Variants in SLCO3A1 observed in about 807,000 individuals in gnomAD.
The protein encoded by SLCO3A1 is PGE1 transporter.
In SLCO3A1, 27 loss-of-function variants were observed where a neutral mutation model predicts 63.1. The ratio of observed to expected loss-of-function variants is 0.43; its 90% CI spans 0.32 to 0.59. The LOEUF is 0.59. Among genes scored for constraint, SLCO3A1 ranks in the 20% least tolerant of loss-of-function variants. The pLI, the probability that SLCO3A1 is intolerant of heterozygous loss-of-function variation, is 0.09. For missense variants in SLCO3A1, 773 were observed against 945.8 expected (o/e 0.82, Z 2.40); for synonymous variants, 473 against 409.9 (o/e 1.15, Z -1.86).
chr15:92,128,299 G>A, intron 6 of SLCO3A1, 52 bp from the exon 7 acceptor site: 1 of 1,611,378 alleles, frequency 6.2e-7, no homozygotes, highest in Non-Finnish European at 8.5e-7. Flanking sequence ...GGGGGCATCT[G>A]ATTCCGAATT....
At chr15:91,971,361 C>A (rs1183538596) in intron 2 of SLCO3A1, among the ~76,000 whole-genome samples, 5 of 96,452 alleles carry the variant, frequency 5.2e-5, no homozygotes, top group African/African-American at 1.8e-4. Flanking sequence ...TGCCACTGCA[C>A]TCCAGCCTGG....
chr15:91,965,435 C>T (rs1900622412), intron 2 of SLCO3A1, among the ~76,000 whole-genome samples: 2 of 152,196 alleles, frequency 1.3e-5, no homozygotes, highest in Admixed American at 1.3e-4. Flanking sequence ...TAAATATCCT[C>T]CATTGTGAGG....
intron 1 of SLCO3A1, among the ~76,000 whole-genome samples, chr15:91,896,545 G>A (rs7183075): frequency 6.6e-6 from 1 of 151,928 alleles, no homozygotes; most frequent in African/African-American, 2.4e-5. Flanking sequence ...TGCTGTTCTC[G>A]TGATAGTGAA....
At chr15:92,114,388 G>T (rs917514266) in intron 4 of SLCO3A1, among the ~76,000 whole-genome samples, 1 of 152,042 alleles carries the variant, frequency 6.6e-6, no homozygotes, top group Non-Finnish European at 1.5e-5. Context: ...CTTACGGGGC[G>T]TGGTGCTCAC....
chr15:92,106,202 C>T (rs2047665728), intron 4 of SLCO3A1, among the ~76,000 whole-genome samples: 3 of 152,174 alleles, frequency 2.0e-5, no homozygotes, highest in African/African-American at 7.2e-5. Flanking sequence ...ATGTCTGGCC[C>T]CATGTTCCAT....
intron 2 of SLCO3A1, among the ~76,000 whole-genome samples, chr15:92,009,050 A>G (rs949001990): frequency 2.6e-5 from 4 of 152,196 alleles, no homozygotes; most frequent in Admixed American, 6.5e-5. Context: ...TTTAATTGAA[A>G]TGACATTTGT....
chr15:91,927,296 C>CT (rs951071362), intron 2 of SLCO3A1, among the ~76,000 whole-genome samples: 3,533 of 145,342 alleles, frequency 0.024, 131 homozygotes, highest in African/African-American at 0.084. Context: ...AAAATCAAAA[C>CT]TTTTTTTTTT....
intron 2 of SLCO3A1, among the ~76,000 whole-genome samples, chr15:91,944,843 C>CT (rs976790472): frequency 2.0e-5 from 3 of 152,118 alleles, no homozygotes; most frequent in Non-Finnish European, 2.9e-5. Flanking sequence ...CTCTCCCCCT[C>CT]TTTTTTTGGG....
At chr15:92,013,329 A>G (rs1282750353) in intron 2 of SLCO3A1, among the ~76,000 whole-genome samples, 1 of 152,194 alleles carries the variant, frequency 6.6e-6, no homozygotes, top group Non-Finnish European at 1.5e-5. Flanking sequence ...GCTTGGTTTG[A>G]GTCACACAGG....
At chr15:91,970,785 G>A (rs895915058) in intron 2 of SLCO3A1, among the ~76,000 whole-genome samples, 1 of 152,130 alleles carries the variant, frequency 6.6e-6, no homozygotes, top group South Asian at 2.1e-4. Context: ...ACAGGCGGCA[G>A]TCTTCTCAGG....
At chr15:92,159,612 C>T (rs1238094935) in intron 9 of SLCO3A1, among the ~76,000 whole-genome samples, 1 of 144,402 alleles carries the variant, frequency 6.9e-6, no homozygotes, top group Non-Finnish European at 1.5e-5. Flanking sequence ...TGTCTCCTAG[C>T]CTGGAATGCA....
chr15:91,864,631 T>C (rs1040923630), intron 1 of SLCO3A1, among the ~76,000 whole-genome samples: 9 of 152,124 alleles, frequency 5.9e-5, no homozygotes, highest in Non-Finnish European at 8.8e-5. Context: ...GGGGAATACT[T>C]TTGTATTTAA....
In SLCO3A1 at chr15:92,126,361, A is replaced by T. The variant is rs2047923364; in HGVS notation, c.1373+102A>T. 24 of 918,028 alleles carry T rather than the reference A, an allele frequency of 2.6e-5. No homozygotes were observed. In the South Asian group the frequency reaches 3.5e-4, roughly 13 times the overall value. 56.9% of individuals were successfully genotyped at this position (918,028 alleles called of 1,614,324 possible). A position where few individuals can be genotyped will look rare whatever the true frequency, so the allele number is the denominator to read the frequency against. Reference sequence around the variant, plus strand: ...AACCAGCTTTGTTCCTAGTGACCTGAGGAGACGCATCACGGCTGCCTCTGC... The same window carrying T: ...AACCAGCTTTGTTCCTAGTGACCTGTGGAGACGCATCACGGCTGCCTCTGC... On this transcript the variant is annotated intron_variant, in intron 6 of 9. Coordinates refer to ENST00000318445, the MANE Select transcript of SLCO3A1 (RefSeq NM_013272.4).
chr15:92,127,392 C>T (rs1469327082), intron 6 of SLCO3A1, among the ~76,000 whole-genome samples: 4 of 152,112 alleles, frequency 2.6e-5, no homozygotes, highest in South Asian at 2.1e-4. Flanking sequence ...CTAGTTCCAG[C>T]GCCTCCTCTA....
intron 2 of SLCO3A1, among the ~76,000 whole-genome samples, chr15:91,927,063 G>T (rs781250862): frequency 1.3e-5 from 2 of 152,116 alleles, no homozygotes; most frequent in African/African-American, 4.8e-5. Flanking sequence ...TCCCTGGAGA[G>T]CCACTGTACT....
At chr15:91,864,726 A>G (rs966675235) in intron 1 of SLCO3A1, among the ~76,000 whole-genome samples, 2 of 152,198 alleles carry the variant, frequency 1.3e-5, no homozygotes, top group African/African-American at 4.8e-5. Flanking sequence ...TTGTGTGACA[A>G]GTGACACATT....
chr15:91,875,188 C>T lies in SLCO3A1; in HGVS notation c.180+21100C>T, dbSNP rs1276510677. ...TGATCTCTACCATTTACTGAGCATC[C>T]GCTGTGTGTACCTGACACATGTCAT... On this transcript the variant is annotated intron_variant, in intron 1 of 9. Coordinates refer to ENST00000318445, the MANE Select transcript of SLCO3A1 (RefSeq NM_013272.4). This position sits in a 1 kb window ranked among gnomAD's most constrained non-coding sequence, Gnocchi z 4.5. 2.6e-5 allele frequency among the ~76,000 whole-genome samples: 4 copies of T among 152,186 alleles called. No individual in the cohort carries two copies. The highest frequency in any genetic ancestry group is 2.1e-4 in the South Asian group (1 of 4,834).
intron 2 of SLCO3A1, among the ~76,000 whole-genome samples, chr15:92,066,372 G>T (rs988350089): frequency 6.6e-6 from 1 of 152,162 alleles, no homozygotes; most frequent in African/African-American, 2.4e-5. Context: ...GAAAATTGTT[G>T]TGCTGTTTCT....
intron 2 of SLCO3A1, among the ~76,000 whole-genome samples, chr15:92,077,091 G>A (rs778090622): frequency 2.6e-5 from 4 of 152,082 alleles, no homozygotes; most frequent in Non-Finnish European, 4.4e-5. Flanking sequence ...GAAAAGCCCC[G>A]TATAAACCCA....
Sources: allele counts gnomAD v4.1 joint callset (sites outside exome capture counted in the v4.1 genomes callset), GRCh38; gene constraint gnomAD v4.1.1; non-coding constraint Gnocchi (gnomAD v3.1); transcripts MANE v1.5; gene names NCBI Gene and HGNC (gene_info 2026-07-23, HGNC 2026-07-21).